The following UBXN8 variants were observed in gnomAD, a reference collection of about 807,000 sequenced individuals.
UBXN8 encodes the protein UBX domain protein 8.
A neutral mutation model predicts 32.1 loss-of-function variants in UBXN8; 27 were observed. The ratio of observed to expected loss-of-function variants is 0.84; its 90% CI spans 0.62 to 1.16. The LOEUF (loss-of-function observed/expected upper bound fraction) is 1.16, where lower values mean the gene tolerates loss of function less well. Among genes scored for constraint, UBXN8 ranks in the 50% most tolerant of loss-of-function variants. UBXN8 has a pLI of 0.00. For synonymous variants in UBXN8, 109 were observed against 111.8 expected, an observed-to-expected ratio of 0.98 and a Z score of 0.16; for missense variants, 306 against 311.4, an observed-to-expected ratio of 0.98 and a Z score of 0.13.
At chr8:30,735,775 G>A (rs1242392990) in intron 1 of UBXN8, among the ~76,000 whole-genome samples, 1 of 152,244 alleles carries the variant, frequency 6.6e-6, no homozygotes, top group Non-Finnish European at 1.5e-5. Context: ...GGAGGCAGAA[G>A]TTGCAGTGAG....
chr8:30,759,578 G>C (rs941357866), intron 5 of UBXN8, among the ~76,000 whole-genome samples: 2 of 151,846 alleles, frequency 1.3e-5, no homozygotes, highest in Non-Finnish European at 2.9e-5. Context: ...AGGGAAACAT[G>C]AGTAAATGAC....
At position 30,744,178 on chromosome 8, in the gene UBXN8, G is replaced by A. The variant is rs774961465; in HGVS notation, c.-12G>A. Reference sequence around the variant, plus strand: ...GGCGGGCTTTCCGCCTGCACCAGGCGCTTCCGCCACCATGGCTTCACGTGG... The same window carrying A: ...GGCGGGCTTTCCGCCTGCACCAGGCACTTCCGCCACCATGGCTTCACGTGG... On this transcript the variant is annotated 5_prime_UTR_variant, in exon 1 of 8. Coordinates refer to ENST00000265616, the MANE Select transcript of UBXN8 (RefSeq NM_005671.4). 1.2e-6 allele frequency: 2 copies of A among 1,610,814 alleles called. No homozygotes were observed. Among genetic ancestry groups the A allele is most frequent in the Non-Finnish European group, 1.7e-6 (2 of 1,178,672 alleles).
At chr8:30,759,613 C>A (rs1805770157) in intron 5 of UBXN8, among the ~76,000 whole-genome samples, 1 of 151,806 alleles carries the variant, frequency 6.6e-6, no homozygotes, top group South Asian at 2.1e-4. Flanking sequence ...TGAATGGTTT[C>A]TGGCAGTCAC....
chr8:30,739,340 C>A (rs533005515), upstream of UBXN8, among the ~76,000 whole-genome samples: 1 of 146,838 alleles, frequency 6.8e-6, no homozygotes, highest in African/African-American at 2.5e-5. Flanking sequence ...GTCAGGAGAT[C>A]AAGACCATCC....
Position 30,760,924 on chromosome 8 carries a change from G to A in UBXN8, c.565G>A (p.Glu189Lys). The A allele has an allele frequency of 1.3e-6, 2 of 1,531,264 alleles. No homozygotes were observed. The highest frequency in any genetic ancestry group is 1.8e-6 in the Non-Finnish European group (2 of 1,136,070). 94.9% of individuals were successfully genotyped at this position (1,531,264 alleles called of 1,614,324 possible). A position where few individuals can be genotyped will look rare whatever the true frequency, so the allele number is the denominator to read the frequency against. ...ACCTGAAGAACCTTCTCAAACAGCA[G>A]AAGAAGTAAGTCTATTTTTCTCTTC... ...DLPEEPSQTA[E>K]EVVTVALRCP... Residue 189 changes from glutamate (E) to lysine (K), a missense_variant, in exon 6 of 8, where the codon GAA becomes AAA. Physicochemically the swap from Glu to Lys is moderately conservative, Grantham distance 56. Transcript: ENST00000265616.
intron 4 of UBXN8, 118 bp downstream of exon 4, chr8:30,754,905 T>G (rs1047202154): frequency 2.2e-5 from 29 of 1,327,208 alleles, no homozygotes; most frequent in Non-Finnish European, 2.8e-5. Flanking sequence ...TGATAATGAT[T>G]ATCAGTTTTT....
chr8:30,746,714 G>A (rs1805370701), intron 1 of UBXN8, among the ~76,000 whole-genome samples: 1 of 137,812 alleles, frequency 7.3e-6, no homozygotes, highest in Admixed American at 7.3e-5. Context: ...TAGTAGAGGC[G>A]GGGTTTCGGT....
chr8:30,761,726 A>AG (rs1373796062), intron 6 of UBXN8, among the ~76,000 whole-genome samples: 1 of 151,968 alleles, frequency 6.6e-6, no homozygotes, highest in African/African-American at 2.4e-5. Flanking sequence ...GAAAAAAAAA[A>AG]GGAAAAAAAA....
chr8:30,758,899 T>TTTTTTTTTTTTTTTTTTTTTG (rs1805746019), intron 5 of UBXN8, among the ~76,000 whole-genome samples: 1 of 134,808 alleles, frequency 7.4e-6, no homozygotes. Context: ...TTTTTGTTTT[T>TTTTTTTTTTTTTTTTTTTTTG]TTTTTTTTTT....
chr8:30,744,504 G>A (rs1805309647), intron 1 of UBXN8: 2 of 598,886 alleles, frequency 3.3e-6, no homozygotes, highest in East Asian at 2.7e-5. Context: ...AAAGAGCACA[G>A]GGGCAATCAT....
At chr8:30,742,066 A>C (rs149185753), upstream of UBXN8, among the ~76,000 whole-genome samples, 140 of 152,214 alleles carry the variant, frequency 9.2e-4, no homozygotes, top group African/African-American at 3.2e-3. Flanking sequence ...CTTCCTCCTT[A>C]TGCATGATGA....
rs1805608487 is a variant in UBXN8 at position 30,754,790 on chromosome 8, T to C, written c.405+3T>C. Reference sequence around the variant, plus strand: ...TAAGCAGTGGTCACAAACTTGGGGTTGGAAAATATTCTCATTTTATATTTT... The same window carrying C: ...TAAGCAGTGGTCACAAACTTGGGGTCGGAAAATATTCTCATTTTATATTTT... On this transcript the variant is annotated splice_donor_region_variant and intron_variant, in intron 4 of 7. Transcript: ENST00000265616. 1 of 1,553,260 alleles carries C rather than the reference T, an allele frequency of 6.4e-7. No individual in the cohort carries two copies.
chr8:30,762,621 G>A (rs999094318), intron 6 of UBXN8, among the ~76,000 whole-genome samples: 3 of 152,224 alleles, frequency 2.0e-5, no homozygotes, highest in Non-Finnish European at 2.9e-5. Context: ...ACGAACTCCT[G>A]ACCTCAAGTG....
chr8:30,750,264 G>C (rs1478336670), intron 1 of UBXN8, among the ~76,000 whole-genome samples: 2 of 151,962 alleles, frequency 1.3e-5, no homozygotes, highest in Admixed American at 6.6e-5. Flanking sequence ...CCGTGTTCAG[G>C]AGCTCAAGAC....
At chr8:30,733,578 C>T (rs1048602579) in intron 1 of UBXN8, among the ~76,000 whole-genome samples, 8 of 152,284 alleles carry the variant, frequency 5.3e-5, no homozygotes, top group South Asian at 2.1e-4. Flanking sequence ...TGCCCCCTTC[C>T]GGGCATCAGT....
chr8:30,731,120 C>T (rs1804941830), upstream of UBXN8, among the ~76,000 whole-genome samples: 1 of 152,140 alleles, frequency 6.6e-6, no homozygotes, highest in Admixed American at 6.6e-5. Context: ...GAACAAATGC[C>T]CTCAGCTAAA....
chr8:30,749,971 T>G (rs1805476438), intron 1 of UBXN8, among the ~76,000 whole-genome samples: 1 of 152,146 alleles, frequency 6.6e-6, no homozygotes, highest in Non-Finnish European at 1.5e-5. Flanking sequence ...CTACAACTTA[T>G]ACATTACTGA....
chr8:30,737,721 ACCTGTGGT>A (rs913935475), intron 1 of UBXN8, among the ~76,000 whole-genome samples: 15 of 152,120 alleles, frequency 9.9e-5, no homozygotes, highest in Admixed American at 9.8e-4. Flanking sequence ...GGTAGTGCAC[ACCTGTGGT>A]CCCAGCTACT....
chr8:30,757,435 C>T (rs559768512), intron 5 of UBXN8, among the ~76,000 whole-genome samples: 10 of 151,734 alleles, frequency 6.6e-5, no homozygotes, highest in Non-Finnish European at 1.3e-4. Context: ...ACCTGTAATC[C>T]CAGCTACTGA....
Sources: gnomAD v4.1 joint callset for allele counts (sites outside exome capture counted in the v4.1 genomes callset) on GRCh38, gnomAD v4.1.1 for gene constraint, MANE v1.5 for transcripts, NCBI Gene and HGNC (gene_info 2026-07-23, HGNC 2026-07-21) for gene names.